Variants in GRID1 observed in about 807,000 individuals in gnomAD.
GRID1 encodes the protein glutamate receptor ionotropic, delta-1.
In GRID1, 28 loss-of-function variants were observed where a neutral mutation model predicts 98.0. The ratio of observed to expected loss-of-function variants is 0.29; its 90% CI spans 0.21 to 0.39. The LOEUF is 0.39. GRID1 is among the 10% of genes least tolerant of loss of function. The probability of loss-of-function intolerance (pLI) is 1.00; values close to 1 mark genes in which losing one functional copy is unlikely to be tolerated. For synonymous variants in GRID1, 553 were observed against 538.5 expected, an observed-to-expected ratio of 1.03 and a Z score of -0.37; for missense variants, 1,111 against 1,340.5, an observed-to-expected ratio of 0.83 and a Z score of 2.67.
chr10:85,618,034 C>T (rs1387062886), intron 14 of GRID1, among the ~76,000 whole-genome samples: 1 of 152,228 alleles, frequency 6.6e-6, no homozygotes, highest in Non-Finnish European at 1.5e-5. Context: ...TCTCCACCTT[C>T]TCCAGGTTGA....
At chr10:86,281,181 G>C (rs993182166) in intron 2 of GRID1, among the ~76,000 whole-genome samples, 11 of 152,242 alleles carry the variant, frequency 7.2e-5, no homozygotes, top group Admixed American at 7.2e-4. Context: ...GTTGGAAGAG[G>C]GGGGAGGAAG....
intron 3 of GRID1, among the ~76,000 whole-genome samples, chr10:86,152,765 C>T (rs1199097817): frequency 6.6e-6 from 1 of 152,158 alleles, no homozygotes; most frequent in African/African-American, 2.4e-5. Flanking sequence ...GGACAGAGCC[C>T]GTGTGAGGGG....
chr10:85,810,201 C>T (rs35084455), intron 8 of GRID1, among the ~76,000 whole-genome samples: 14,948 of 146,432 alleles, frequency 0.1, 427 homozygotes, highest in African/African-American at 0.18. Context: ...AGAGCCACTA[C>T]TGGAGTGTGC....
chr10:85,891,305 T>C (rs1392146712), intron 5 of GRID1, among the ~76,000 whole-genome samples: 1 of 152,178 alleles, frequency 6.6e-6, no homozygotes. Context: ...TAAAATTGCA[T>C]GGCCCAGAGC....
At chr10:86,215,839 C>T (rs943763501) in intron 2 of GRID1, among the ~76,000 whole-genome samples, 1 of 152,158 alleles carries the variant, frequency 6.6e-6, no homozygotes, top group African/African-American at 2.4e-5. Context: ...CAAGCACGCC[C>T]TTGAAATATT....
At chr10:85,846,576 GA>G (rs375303751) in intron 8 of GRID1, among the ~76,000 whole-genome samples, 14 of 151,402 alleles carry the variant, frequency 9.2e-5, no homozygotes, top group Middle Eastern at 6.8e-3. Context: ...CAGGCAGACA[GA>G]AAAAAAATAC....
intron 5 of GRID1, among the ~76,000 whole-genome samples, chr10:85,910,101 A>G (rs985878625): frequency 5.3e-5 from 8 of 152,206 alleles, no homozygotes; most frequent in East Asian, 1.9e-4. Context: ...AGATTCCTCA[A>G]TGAGGCTGGG....
At chr10:86,107,121 G>C (rs1038957858) in intron 4 of GRID1, among the ~76,000 whole-genome samples, 4 of 152,220 alleles carry the variant, frequency 2.6e-5, no homozygotes, top group Non-Finnish European at 5.9e-5. Flanking sequence ...GGAAAGCCCA[G>C]CCTGGAACCC....
chr10:85,786,232 T>C (rs1842428016), intron 8 of GRID1, among the ~76,000 whole-genome samples: 1 of 152,214 alleles, frequency 6.6e-6, no homozygotes, highest in South Asian at 2.1e-4. Context: ...GATATGATTT[T>C]AGTGTGATTT....
intron 6 of GRID1, among the ~76,000 whole-genome samples, chr10:85,861,141 G>A (rs898704407): frequency 6.6e-6 from 1 of 152,176 alleles, no homozygotes; most frequent in Non-Finnish European, 1.5e-5. Flanking sequence ...AGAACATGAG[G>A]ACTACTGTGA....
At chr10:85,834,747 C>A (rs915402868) in intron 8 of GRID1, among the ~76,000 whole-genome samples, 1 of 151,996 alleles carries the variant, frequency 6.6e-6, no homozygotes, top group African/African-American at 2.4e-5. Context: ...ATAGTCAGAG[C>A]AACCACTAAG....
At chr10:85,629,111 C>A (rs190203150) in intron 13 of GRID1, among the ~76,000 whole-genome samples, 110 of 152,212 alleles carry the variant, frequency 7.2e-4, no homozygotes, top group African/African-American at 2.4e-3. Flanking sequence ...CCTGGTATTC[C>A]TGTGTCCTAG....
chr10:85,811,733 T>G (rs888635575), intron 8 of GRID1, among the ~76,000 whole-genome samples: 5 of 152,132 alleles, frequency 3.3e-5, no homozygotes, highest in African/African-American at 1.2e-4. Flanking sequence ...ACTATTTGCA[T>G]TATGAGCAAT....
intron 8 of GRID1, among the ~76,000 whole-genome samples, chr10:85,738,157 C>G: frequency 6.6e-6 from 1 of 151,912 alleles, no homozygotes; most frequent in East Asian, 1.9e-4. Context: ...ATGTGTGTAC[C>G]CAATAAAGGA....
intron 4 of GRID1, among the ~76,000 whole-genome samples, chr10:86,068,738 C>T (rs1049287898): frequency 2.0e-5 from 3 of 152,158 alleles, no homozygotes; most frequent in Non-Finnish European, 4.4e-5. Flanking sequence ...GATGGTGTCA[C>T]CCAAGGACAC....
chr10:86,234,580 TTTCTC>T (rs1251414528), intron 2 of GRID1, among the ~76,000 whole-genome samples: 1 of 152,198 alleles, frequency 6.6e-6, no homozygotes, highest in Admixed American at 6.5e-5. Context: ...AGAAAACTCT[TTTCTC>T]TAAGCAACAC....
intron 8 of GRID1, among the ~76,000 whole-genome samples, chr10:85,810,400 C>T (rs904916632): frequency 2.0e-5 from 3 of 152,162 alleles, no homozygotes; most frequent in African/African-American, 4.8e-5. Flanking sequence ...CACCCATGTC[C>T]CTGGCCAGAT....
intron 4 of GRID1, among the ~76,000 whole-genome samples, chr10:86,095,311 C>A (rs1027764420): frequency 2.0e-5 from 3 of 151,934 alleles, no homozygotes; most frequent in African/African-American, 7.3e-5. Context: ...ATTTCGTGAC[C>A]AAGAATAAAA....
At chr10:85,960,987 G>T (rs144892597) in intron 4 of GRID1, among the ~76,000 whole-genome samples, 1 of 151,862 alleles carries the variant, frequency 6.6e-6, no homozygotes, top group South Asian at 2.1e-4. Flanking sequence ...TGGTAGAGTC[G>T]CACGGAGGCT....
Sources: allele counts gnomAD v4.1 joint callset (sites outside exome capture counted in the v4.1 genomes callset), GRCh38; gene constraint gnomAD v4.1.1; transcripts MANE v1.5; gene names NCBI Gene and HGNC (gene_info 2026-07-23, HGNC 2026-07-21).